The following KCNN3 variants were observed in gnomAD, a reference collection of about 807,000 sequenced individuals.
KCNN3 encodes the protein potassium calcium-activated channel subfamily N member 3.
A neutral mutation model predicts 62.9 loss-of-function variants in KCNN3; 16 were observed. The ratio of observed to expected loss-of-function variants is 0.25; its 90% confidence interval spans 0.17 to 0.39. KCNN3 has a LOEUF of 0.39. Ranked by LOEUF, KCNN3 falls within the 10% of genes least tolerant of loss-of-function variation. KCNN3 has a pLI of 1.00. For synonymous variants in KCNN3, 370 were observed against 389.2 expected (o/e 0.95, Z 0.58); for missense variants, 599 against 949.4 (o/e 0.63, Z 4.85).
In KCNN3 at chr1:154,862,358, A is replaced by C. The variant is rs1162786419; in HGVS notation, c.933+6674T>G. ...ATGCCTTGTAAGATGTAAGATGCTG[A>C]GCTCATGTGACTGTCCCCCGATAAA... On this transcript the variant is annotated intron_variant, in intron 1 of 7. Transcript: ENST00000271915. The surrounding 1 kb of genome is among the most constrained non-coding windows in gnomAD (Gnocchi z 4.1). Among the ~76,000 whole-genome samples the C allele has an allele frequency of 6.6e-6, 1 of 152,116 alleles. No individual in the cohort carries two copies. Among genetic ancestry groups the C allele is most frequent in the African/African-American group, 2.4e-5 (1 of 41,406 alleles).
Position 154,850,427 on chromosome 1 carries a change from G to A in KCNN3, c.933+18605C>T, listed in dbSNP as rs544211221. 5.9e-5 allele frequency among the ~76,000 whole-genome samples: 9 copies of A among 152,328 alleles called. 1 individual carries two copies. In the East Asian group the frequency reaches 1.2e-3, roughly 20 times the overall value. On this transcript the variant is annotated intron_variant, in intron 1 of 7. Transcript: ENST00000271915. ...CAAGACTCTCACCCTCCAAGCCCGG[G>A]TGCCAGCATCAGACACCAGCTGGGC...
chr1:154,799,630 C>T (rs1484615903), intron 2 of KCNN3, among the ~76,000 whole-genome samples: 1 of 152,158 alleles, frequency 6.6e-6, no homozygotes, highest in Admixed American at 6.5e-5. Flanking sequence ...CCCTAGAGTG[C>T]AGTTGAAAAG....
chr1:154,835,257 C>T (rs1651540729), intron 1 of KCNN3, among the ~76,000 whole-genome samples: 1 of 152,146 alleles, frequency 6.6e-6, no homozygotes, highest in African/African-American at 2.4e-5. Flanking sequence ...CCAGTGTATG[C>T]CTGTTATCTG....
intron 1 of KCNN3, among the ~76,000 whole-genome samples, chr1:154,868,551 G>T (rs572753789): frequency 3.4e-5 from 5 of 145,048 alleles, no homozygotes; most frequent in Non-Finnish European, 7.4e-5. Context: ...CAGGAAAATG[G>T]AGTGGAGCAG....
intron 2 of KCNN3, 99 bp downstream of exon 2, chr1:154,821,990 G>A: frequency 1.2e-6 from 1 of 848,676 alleles, no homozygotes; most frequent in South Asian, 1.4e-5. Flanking sequence ...CACCCAAGTA[G>A]CTGCTAAGGG....
rs143279614 is a variant in KCNN3, at chr1:154,777,241, A to G, written c.1030-4848T>C. Among the ~76,000 whole-genome samples, 447 of 150,244 alleles carry G rather than the reference A, an allele frequency of 3.0e-3. 2 individuals carry two copies. Among genetic ancestry groups the G allele is most frequent in the African/African-American group, 0.01 (423 of 40,736 alleles). On this transcript the variant is annotated intron_variant, in intron 2 of 7. Coordinates refer to ENST00000271915, the MANE Select transcript of KCNN3 (RefSeq NM_002249.6). ...CCCTCTTGCTCGCACCTCCTGCCTC[A>G]TCTGTGTTCTCGGTGCACCTGAGCT...
intron 3 of KCNN3, among the ~76,000 whole-genome samples, chr1:154,733,848 C>T (rs912067769): frequency 1.3e-5 from 2 of 152,212 alleles, no homozygotes; most frequent in African/African-American, 4.8e-5. Context: ...ACACCAAGAC[C>T]TGCTGCATGC....
rs563081891 is a variant in KCNN3, at chr1:154,804,654, G to T, written c.1029+17435C>A. ...AAATTAACTGAATCCCACAGATCTC[G>T]GTGAAGACAAGAGTAGTAGCAATAC... On this transcript the variant is annotated intron_variant, in intron 2 of 7. Transcript: ENST00000271915. Among the ~76,000 whole-genome samples the T allele has an allele frequency of 2.6e-5, 4 of 152,200 alleles. No homozygotes were observed. The South Asian group carries it at 8.3e-4, about 32-fold the overall frequency.
intron 3 of KCNN3, among the ~76,000 whole-genome samples, chr1:154,741,363 T>G (rs1700818682): frequency 6.6e-6 from 1 of 152,240 alleles, no homozygotes; most frequent in South Asian, 2.1e-4. Context: ...TGGTACCTTC[T>G]GAGGGTCTAG....
chr1:154,771,518 A>C (rs1362521223), intron 3 of KCNN3, among the ~76,000 whole-genome samples: 1 of 152,222 alleles, frequency 6.6e-6, no homozygotes, highest in African/African-American at 2.4e-5. Context: ...TTGAGTAGCA[A>C]GGTACCAATA....
At chr1:154,742,155 C>T (rs1234727286) in intron 3 of KCNN3, among the ~76,000 whole-genome samples, 2 of 152,236 alleles carry the variant, frequency 1.3e-5, no homozygotes, top group African/African-American at 4.8e-5. Flanking sequence ...ACACATGGCT[C>T]TCTTGCTCCT....
intron 1 of KCNN3, chr1:154,859,666 C>G (rs764577384): frequency 1.7e-5 from 28 of 1,610,450 alleles, no homozygotes; most frequent in Non-Finnish European, 2.2e-5. Context: ...TCCTCCCTAC[C>G]TACTGGGTAA....
rs1699894490 is a variant in KCNN3, at chr1:154,703,184, T to G, written c.*4792A>C. 1 of 152,164 alleles carries G rather than the reference T, an allele frequency of 6.6e-6. No homozygotes were observed. The highest frequency in any genetic ancestry group is 1.9e-4 in the East Asian group (1 of 5,194). 9.4% of individuals were successfully genotyped at this position (152,164 alleles called of 1,614,324 possible). ...CGTCTAACAGGAGTTTAACATTAAT[T>G]TCTATTCATGCAGCCTGGCACAAGC... On this transcript the variant is annotated 3_prime_UTR_variant, in exon 8 of 8. Transcript: ENST00000271915.
chr1:154,755,539 A>AAAGG (rs1301250674), intron 3 of KCNN3, among the ~76,000 whole-genome samples: 1 of 80,964 alleles, frequency 1.2e-5, no homozygotes, highest in African/African-American at 3.4e-5. Flanking sequence ...AGAAGAAAGG[A>AAAGG]AAGGAAGGAA....
At chr1:154,743,568 TGG>T (rs1700873798) in intron 3 of KCNN3, among the ~76,000 whole-genome samples, 1 of 152,206 alleles carries the variant, frequency 6.6e-6, no homozygotes, top group Admixed American at 6.5e-5. Context: ...TGACTTACAA[TGG>T]TGCCACTTTA....
At chr1:154,761,148 G>T (rs1037891651) in intron 3 of KCNN3, among the ~76,000 whole-genome samples, 1 of 47,102 alleles carries the variant, frequency 2.1e-5, no homozygotes, top group Non-Finnish European at 6.3e-5. Flanking sequence ...ACAATAAAAA[G>T]TAATAAAAAA....
chr1:154,711,749 T>C (rs1350655473), intron 7 of KCNN3, among the ~76,000 whole-genome samples: 2 of 152,300 alleles, frequency 1.3e-5, no homozygotes, highest in South Asian at 4.1e-4. Flanking sequence ...AATTGGCCAA[T>C]CATTTCTTCT....
intron 2 of KCNN3, among the ~76,000 whole-genome samples, chr1:154,794,777 G>A (rs1309571445): frequency 1.3e-5 from 2 of 152,150 alleles, no homozygotes; most frequent in Non-Finnish European, 2.9e-5. Flanking sequence ...AGGGAGGAAG[G>A]ACTTTGAGCC....
chr1:154,801,831 T>C (rs1000767247), intron 2 of KCNN3, among the ~76,000 whole-genome samples: 12 of 152,208 alleles, frequency 7.9e-5, no homozygotes, highest in African/African-American at 2.9e-4. Context: ...AGACTCGGCC[T>C]CCGGGGCTCT....
Sources: gnomAD v4.1 joint callset for allele counts (sites outside exome capture counted in the v4.1 genomes callset) on GRCh38, gnomAD v4.1.1 for gene constraint, Gnocchi (gnomAD v3.1) non-coding constraint, MANE v1.5 for transcripts, NCBI Gene and HGNC (gene_info 2026-07-23, HGNC 2026-07-21) for gene names.